SLC15A5: variants seen among roughly 807,000 people sequenced by gnomAD.
SLC15A5 encodes solute carrier family 15 member 5.
A neutral mutation model predicts 56.1 loss-of-function variants in SLC15A5; 58 were observed. The observed-to-expected ratio is 1.03, with a 90% confidence interval of 0.84 to 1.29. The LOEUF is 1.29. Ranked by LOEUF, SLC15A5 falls within the 50% of genes most tolerant of loss-of-function variation. SLC15A5 has a pLI of 0.00. For synonymous variants in SLC15A5, 264 were observed against 250.5 expected (o/e 1.05, Z -0.51); for missense variants, 681 against 672.1 (o/e 1.01, Z -0.15).
At chr12:16,191,297 A>G (rs2136236107) in intron 8 of SLC15A5, among the ~76,000 whole-genome samples, 1 of 152,226 alleles carries the variant, frequency 6.6e-6, no homozygotes, top group East Asian at 1.9e-4. Context: ...AGATTGTATC[A>G]GACTAATATG....
At chr12:16,205,357 C>T (rs1042884431) in intron 7 of SLC15A5, among the ~76,000 whole-genome samples, 8 of 151,496 alleles carry the variant, frequency 5.3e-5, no homozygotes, top group East Asian at 1.9e-4. Flanking sequence ...CTTTAATTCT[C>T]GATAGTCTTT....
intron 3 of SLC15A5, among the ~76,000 whole-genome samples, chr12:16,254,567 TACC>T (rs1864550542): frequency 6.6e-6 from 1 of 152,178 alleles, no homozygotes; most frequent in South Asian, 2.1e-4. Flanking sequence ...CGTGTATAGA[TACC>T]ACATTTTCTT....
intron 8 of SLC15A5, among the ~76,000 whole-genome samples, chr12:16,191,580 G>A (rs1863838673): frequency 6.6e-6 from 1 of 152,082 alleles, no homozygotes; most frequent in Admixed American, 6.6e-5. Flanking sequence ...TGCTGTCCCT[G>A]GGACATCGGT....
intron 2 of SLC15A5, among the ~76,000 whole-genome samples, chr12:16,267,313 A>T (rs1864707017): frequency 8.5e-6 from 1 of 116,960 alleles, no homozygotes; most frequent in Non-Finnish European, 1.8e-5. Context: ...GGAGTCAGTG[A>T]AATAAAATAC....
intron 5 of SLC15A5, among the ~76,000 whole-genome samples, chr12:16,234,580 G>A (rs955143081): frequency 6.6e-5 from 10 of 152,092 alleles, no homozygotes; most frequent in Non-Finnish European, 1.5e-4. Flanking sequence ...ACCTCTAGCA[G>A]ATCTGTACTT....
chr12:16,257,205 C>T (rs1462323483), intron 3 of SLC15A5, among the ~76,000 whole-genome samples: 2 of 151,884 alleles, frequency 1.3e-5, no homozygotes, highest in Admixed American at 1.3e-4. Flanking sequence ...TGTATGCATA[C>T]ACCTACATAA....
chr12:16,225,846 G>A (rs537267869), intron 5 of SLC15A5, among the ~76,000 whole-genome samples: 9 of 152,244 alleles, frequency 5.9e-5, no homozygotes, highest in South Asian at 4.2e-4. Context: ...GTTTGCCCTC[G>A]GGATATCCAG....
Position 16,196,100 on chromosome 12 carries a change from A to G in SLC15A5, c.1484-1647T>C, listed in dbSNP as rs1468347938. 6.6e-6 allele frequency among the ~76,000 whole-genome samples: 1 copy of G among 152,106 alleles called. No individual in the cohort carries two copies. The highest frequency in any genetic ancestry group is 2.4e-5 in the African/African-American group (1 of 41,444). ...GTGTCTTATTTATCCTTATATTTTC[A>G]GTATTTAGATCAGTGCCTGACAAAT... On this transcript the variant is annotated intron_variant, in intron 7 of 8. Transcript: ENST00000344941. The surrounding 1 kb of genome is among the most constrained non-coding windows in gnomAD (Gnocchi z 4.0).
At chr12:16,252,700 C>T (rs1864531612) in intron 3 of SLC15A5, among the ~76,000 whole-genome samples, 1 of 151,934 alleles carries the variant, frequency 6.6e-6, no homozygotes, top group Non-Finnish European at 1.5e-5. Context: ...AATTGGAAGA[C>T]TTAATATTGT....
rs1864555520 is a variant in SLC15A5, at chr12:16,255,008, A to C, written c.754+2693T>G. 2.6e-5 allele frequency among the ~76,000 whole-genome samples: 4 copies of C among 152,154 alleles called. No homozygotes were observed. In the South Asian group the frequency reaches 8.3e-4, roughly 31 times the overall value. Reference sequence around the variant, plus strand: ...GAAGGATATTGAATTTTCCCAACACAAAGAAATGATGTTTGAAATGATGGA... The same window carrying C: ...GAAGGATATTGAATTTTCCCAACACCAAGAAATGATGTTTGAAATGATGGA... On this transcript the variant is annotated intron_variant, in intron 3 of 8. Coordinates refer to ENST00000344941, the MANE Select transcript of SLC15A5 (RefSeq NM_001170798.1).
At chr12:16,276,813 G>A (rs1273909319) in intron 1 of SLC15A5, among the ~76,000 whole-genome samples, 1 of 151,868 alleles carries the variant, frequency 6.6e-6, no homozygotes, top group African/African-American at 2.4e-5. Context: ...CATTTCTAAA[G>A]CATATAATCA....
intron 5 of SLC15A5, among the ~76,000 whole-genome samples, chr12:16,225,177 G>T (rs1180088901): frequency 6.6e-6 from 1 of 152,022 alleles, no homozygotes; most frequent in South Asian, 2.1e-4. Flanking sequence ...GAGTAGTGCC[G>T]CAATAAACAT....
In SLC15A5 at chr12:16,272,798, A is replaced by G. The variant is rs1247002382; in HGVS notation, c.362-15T>C. Reference sequence around the variant, plus strand: ...CAAAGCAGTGCCTGTAGGTGGAGAAAAAAAAAGAGTAAATGTAGCATAGAA... The same window carrying G: ...CAAAGCAGTGCCTGTAGGTGGAGAAGAAAAAAGAGTAAATGTAGCATAGAA... On this transcript the variant is annotated splice_polypyrimidine_tract_variant and intron_variant, in intron 1 of 8. Coordinates refer to ENST00000344941, the MANE Select transcript of SLC15A5 (RefSeq NM_001170798.1). 6.5e-7 allele frequency: 1 copy of G among 1,531,854 alleles called. No homozygotes were observed. The highest frequency in any genetic ancestry group is 8.8e-7 in the Non-Finnish European group (1 of 1,142,298). The allele number at this position is 1,531,854 out of a possible 1,614,324, so 94.9% of individuals were successfully genotyped here. A position where few individuals can be genotyped will look rare whatever the true frequency, so the allele number is the denominator to read the frequency against.
chr12:16,215,370 A>G (rs1385594003), intron 7 of SLC15A5, among the ~76,000 whole-genome samples: 13 of 152,182 alleles, frequency 8.5e-5, no homozygotes, highest in Admixed American at 8.5e-4. Context: ...GCAGTTCTTC[A>G]TGTATATGTC....
chr12:16,191,750 C>A (rs1296242608), intron 8 of SLC15A5, among the ~76,000 whole-genome samples: 1 of 152,090 alleles, frequency 6.6e-6, no homozygotes. Context: ...CTTGGCCTGT[C>A]CAATCCCAAT....
chr12:16,194,579 T>A, intron 7 of SLC15A5, 126 bp from the exon 8 acceptor site: 1 of 557,074 alleles, frequency 1.8e-6, no homozygotes, highest in Non-Finnish European at 3.0e-6. Flanking sequence ...AAAGCTCATC[T>A]GAAACTTGAT....
intron 7 of SLC15A5, among the ~76,000 whole-genome samples, chr12:16,216,068 T>C (rs1029831700): frequency 1.6e-5 from 2 of 128,460 alleles, no homozygotes; most frequent in East Asian, 4.2e-4. Context: ...TACAAGAGAA[T>C]AGAAACTAAC....
intron 6 of SLC15A5, among the ~76,000 whole-genome samples, chr12:16,218,925 C>T (rs1020532088): frequency 6.6e-6 from 1 of 152,150 alleles, no homozygotes; most frequent in Non-Finnish European, 1.5e-5. Context: ...CATGATCTTA[C>T]TAACACATGA....
At chr12:16,232,266 A>G (rs1258943654) in intron 5 of SLC15A5, among the ~76,000 whole-genome samples, 2 of 152,174 alleles carry the variant, frequency 1.3e-5, no homozygotes, top group South Asian at 2.1e-4. Context: ...AGTCAAAGAA[A>G]TTTCCAAAAC....
Sources: allele counts gnomAD v4.1 joint callset (sites outside exome capture counted in the v4.1 genomes callset), GRCh38; gene constraint gnomAD v4.1.1; non-coding constraint Gnocchi (gnomAD v3.1); transcripts MANE v1.5; gene names NCBI Gene and HGNC (gene_info 2026-07-23, HGNC 2026-07-21).